KDELR2: variants seen among roughly 807,000 people sequenced by gnomAD.
KDELR2 encodes ER lumen protein-retaining receptor 2.
A neutral mutation model predicts 23.9 loss-of-function variants in KDELR2; 15 were observed. The ratio of observed to expected loss-of-function variants is 0.63; its 90% CI spans 0.42 to 0.97. KDELR2 has a LOEUF of 0.97. Ranked by LOEUF, KDELR2 falls within the 50% of genes least tolerant of loss-of-function variation. The pLI is 0.00. For synonymous variants in KDELR2, 119 were observed against 106.2 expected, an observed-to-expected ratio of 1.12 and a Z score of -0.74; for missense variants, 272 against 254.6, an observed-to-expected ratio of 1.07 and a Z score of -0.46.
intron 2 of KDELR2, among the ~76,000 whole-genome samples, chr7:6,472,897 CTTTTTTTTTTTT>C (rs35369447): frequency 1.8e-5 from 2 of 111,222 alleles, no homozygotes; most frequent in Non-Finnish European, 3.6e-5. Context: ...AGCCCCTGTT[CTTTTTTTTTTTT>C]TTTTTTTTCA....
intron 1 of KDELR2, among the ~76,000 whole-genome samples, chr7:6,478,522 T>C (rs1785805119): frequency 6.6e-6 from 1 of 152,204 alleles, no homozygotes; most frequent in Non-Finnish European, 1.5e-5. Context: ...CTTCAGTGAA[T>C]TGCCAACTTT....
intron 2 of KDELR2, among the ~76,000 whole-genome samples, chr7:6,470,868 A>G (rs1267101752): frequency 2.0e-5 from 3 of 151,956 alleles, no homozygotes; most frequent in Non-Finnish European, 4.4e-5. Context: ...TAATCCTAGC[A>G]CTCTGGGAGG....
intron 1 of KDELR2, among the ~76,000 whole-genome samples, chr7:6,483,171 C>T (rs1479674444): frequency 1.3e-5 from 2 of 152,194 alleles, no homozygotes; most frequent in African/African-American, 2.4e-5. Flanking sequence ...TCACTGGTGA[C>T]GTGGAGCAAC....
chr7:6,465,076 T>A (rs1428861891), intron 4 of KDELR2, among the ~76,000 whole-genome samples: 1 of 133,536 alleles, frequency 7.5e-6, no homozygotes, highest in Non-Finnish European at 1.8e-5. Context: ...ATTAGGAATT[T>A]TATTGTATAG....
At chr7:6,471,515 T>C (rs1413421713) in intron 2 of KDELR2, among the ~76,000 whole-genome samples, 1 of 152,120 alleles carries the variant, frequency 6.6e-6, no homozygotes, top group Non-Finnish European at 1.5e-5. Flanking sequence ...TGGTGGTGTT[T>C]TGGGGACCGG....
chr7:6,463,965 G>A (rs1488362867), intron 4 of KDELR2, among the ~76,000 whole-genome samples: 2 of 122,988 alleles, frequency 1.6e-5, no homozygotes, highest in African/African-American at 5.4e-5. Flanking sequence ...GGGAGGCTGA[G>A]GCAGGAGGAT....
At chr7:6,466,370 G>C (rs1348460144) in intron 3 of KDELR2, 47 bp from the exon 4 acceptor site, 1 of 1,596,852 alleles carries the variant, frequency 6.3e-7, no homozygotes. Context: ...TGCCCACCAG[G>C]AGCTCAGAGG....
chr7:6,466,050 C>T lies in KDELR2; in HGVS notation c.604+21G>A, dbSNP rs369370695. ...AAAGAACACGTCACTCTAGAAACAA[C>T]GCAGGTCGCACCCAACATACCTTTT... On this transcript the variant is annotated intron_variant, in intron 4 of 4. Transcript: ENST00000258739. 33 of 1,611,174 alleles carry T rather than the reference C, an allele frequency of 2.0e-5. No individual in the cohort carries two copies. In the East Asian group the frequency reaches 2.2e-4, roughly 11 times the overall value.
intron 2 of KDELR2, among the ~76,000 whole-genome samples, chr7:6,471,216 C>T (rs1354186367): frequency 2.6e-3 from 278 of 105,516 alleles, no homozygotes; most frequent in Middle Eastern, 0.013. Context: ...GAGTCTCGCT[C>T]TGTCGCCCAG....
At chr7:6,476,746 CTG>C (rs1239503367) in intron 1 of KDELR2, among the ~76,000 whole-genome samples, 3 of 152,168 alleles carry the variant, frequency 2.0e-5, no homozygotes, top group African/African-American at 7.2e-5. Flanking sequence ...TCCCTCAGGA[CTG>C]TTGATTCATT....
At chr7:6,464,518 CA>C (rs1167645814) in intron 4 of KDELR2, among the ~76,000 whole-genome samples, 1 of 151,568 alleles carries the variant, frequency 6.6e-6, no homozygotes, top group African/African-American at 2.4e-5. Context: ...GACTCAGTCT[CA>C]AAACAAAACA....
intron 4 of KDELR2, among the ~76,000 whole-genome samples, chr7:6,464,490 G>A (rs927998894): frequency 2.0e-5 from 3 of 152,094 alleles, no homozygotes; most frequent in African/African-American, 7.2e-5. Flanking sequence ...CTGCACTCCA[G>A]CCTGTGTGAC....
chr7:6,466,204 G>A lies in KDELR2; in HGVS notation c.471C>T (p.Leu157=), dbSNP rs143204239. The part of the protein sequence containing the change: ...ITTHYLFFLG[L]YRALYLVNWI... ...AGTTGACAAGATACAAAGCACGATA[G>A]AGGCCCAGGAAGAACAGGTAGTGGG... is the stretch of plus-strand genomic sequence containing the variant. Residue 157 remains leucine, a synonymous_variant, in exon 4 of 5, where the codon CTC becomes CTT. Coordinates refer to ENST00000258739, the MANE Select transcript of KDELR2 (RefSeq NM_006854.4). The A allele has an allele frequency of 2.5e-6, 4 of 1,614,084 alleles. No individual in the cohort carries two copies. In the Admixed American group the frequency reaches 6.7e-5, roughly 27 times the overall value.
intron 2 of KDELR2, among the ~76,000 whole-genome samples, chr7:6,473,092 T>TTTC (rs1785687418): frequency 6.9e-6 from 1 of 144,634 alleles, no homozygotes; most frequent in Non-Finnish European, 1.5e-5. Context: ...ATTTTTTTTT[T>TTTC]TTTTTTTTTT....
chr7:6,464,734 C>CTTTTTTTTTTT (rs201529691), intron 4 of KDELR2, among the ~76,000 whole-genome samples: 2 of 111,232 alleles, frequency 1.8e-5, no homozygotes, highest in African/African-American at 3.3e-5. Context: ...TCTTTTTTTT[C>CTTTTTTTTTTT]TTTTTTTTTT....
At chr7:6,474,915 G>A (rs1298776780) in intron 1 of KDELR2, among the ~76,000 whole-genome samples, 1 of 152,182 alleles carries the variant, frequency 6.6e-6, no homozygotes, top group Non-Finnish European at 1.5e-5. Context: ...TGGCATTACA[G>A]GTATGAGCCA....
rs781428221 is a variant in KDELR2 at position 6,484,015 on chromosome 7, C to T, written c.43G>A (p.Ala15Thr). The change falls in exon 1 of 5, where the codon GCC becomes ACC. Residue 15 changes from alanine to threonine, a missense_variant. Coordinates refer to ENST00000258739, the MANE Select transcript of KDELR2 (RefSeq NM_006854.4). ...RLTGDLSHLA[A>T]IVILLLKIWK... is the part of the protein sequence containing the mutation. ...ATCTTCAGCAGCAGGATGACGATGG[C>T]CGCCAGGTGGGACAGGTCCCCAGTC... 4.6e-6 allele frequency: 7 copies of T among 1,528,702 alleles called. No individual in the cohort carries two copies. The East Asian group carries it at 1.7e-4, about 37-fold the overall frequency. 94.7% of individuals were successfully genotyped at this position (1,528,702 alleles called of 1,614,324 possible). A position where few individuals can be genotyped will look rare whatever the true frequency, so the allele number is the denominator to read the frequency against.
intron 1 of KDELR2, among the ~76,000 whole-genome samples, chr7:6,480,641 A>AT (rs201958465): frequency 0.027 from 4,130 of 152,252 alleles, 202 homozygotes; most frequent in African/African-American, 0.094. Flanking sequence ...CTAAAACAGC[A>AT]TTTTCAAAAT....
chr7:6,469,865 T>C (rs985856401), intron 2 of KDELR2, 111 bp from the exon 3 acceptor site: 16 of 938,142 alleles, frequency 1.7e-5, no homozygotes, highest in Admixed American at 3.2e-5. Context: ...TTTCCTTAGC[T>C]TTGTTTTTGG....
Sources: allele counts gnomAD v4.1 joint callset (sites outside exome capture counted in the v4.1 genomes callset), GRCh38; gene constraint gnomAD v4.1.1; transcripts MANE v1.5; gene names NCBI Gene and HGNC (gene_info 2026-07-23, HGNC 2026-07-21).